Variants in UROS observed in about 807,000 individuals in gnomAD.
UROS encodes the protein uroporphyrinogen III synthase.
In UROS, 18 loss-of-function variants were observed where a neutral mutation model predicts 33.0. The ratio of observed to expected loss-of-function variants is 0.55; its 90% CI spans 0.38 to 0.81. The LOEUF (loss-of-function observed/expected upper bound fraction) is 0.81. Among genes scored for constraint, UROS ranks in the 30% least tolerant of loss-of-function variants. The probability of loss-of-function intolerance (pLI) is 0.00; values close to 1 mark genes in which losing one functional copy is unlikely to be tolerated. For synonymous variants in UROS, 114 were observed against 121.1 expected (o/e 0.94, Z 0.38); for missense variants, 293 against 314.9 (o/e 0.93, Z 0.53).
intron 1 of UROS, among the ~76,000 whole-genome samples, chr10:125,822,504 G>A (rs1483675635): frequency 6.6e-6 from 1 of 152,086 alleles, no homozygotes; most frequent in Non-Finnish European, 1.5e-5. Context: ...TGTATTTTTA[G>A]TAGAGATGGG....
At chr10:125,806,961 C>T (rs1852388712) in intron 6 of UROS, among the ~76,000 whole-genome samples, 1 of 152,190 alleles carries the variant, frequency 6.6e-6, no homozygotes, top group Non-Finnish European at 1.5e-5. Context: ...ACAAGTGCCA[C>T]TTTAAATCCA....
downstream of UROS, among the ~76,000 whole-genome samples, chr10:125,788,210 A>G (rs553120951): frequency 6.6e-6 from 1 of 152,276 alleles, no homozygotes; most frequent in Admixed American, 6.5e-5. Flanking sequence ...AAGTTTGGGA[A>G]CTTTGGGAAT....
chr10:125,808,448 G>A (rs1852523332), intron 5 of UROS, among the ~76,000 whole-genome samples: 3 of 152,188 alleles, frequency 2.0e-5, no homozygotes, highest in African/African-American at 4.8e-5. Flanking sequence ...AGTGGCAACC[G>A]AGGCTGGACC....
At chr10:125,822,938 GC>G (rs1854125958) in intron 1 of UROS, 90 bp downstream of exon 1, 1 of 152,204 alleles carries the variant, frequency 6.6e-6, no homozygotes, top group Non-Finnish European at 1.5e-5. Flanking sequence ...CGGGGCCCTG[GC>G]CCCACTGTGT....
intron 6 of UROS, among the ~76,000 whole-genome samples, chr10:125,800,662 T>A (rs972682938): frequency 2.0e-5 from 3 of 151,786 alleles, no homozygotes; most frequent in Middle Eastern, 6.8e-3. Flanking sequence ...CCTGGGCTCA[T>A]GCAATTCTCC....
At chr10:125,802,218 C>T (rs923280124) in intron 6 of UROS, 1 of 985,420 alleles carries the variant, frequency 1.0e-6, no homozygotes, top group East Asian at 1.1e-4. Context: ...GGAGCGAACC[C>T]TCCACACTGA....
chr10:125,816,535 A>G lies in UROS; in HGVS notation c.-26-10T>C, dbSNP rs1310756480. On this transcript the variant is annotated splice_polypyrimidine_tract_variant and intron_variant, in intron 1 of 9. Coordinates refer to ENST00000368797, the MANE Select transcript of UROS (RefSeq NM_000375.3). ...CAGTCCTTATAGGGCACTGCGACAG[A>G]GCAAGGAAACAGATCTTAATTAGAT... 4 of 1,613,874 alleles carry G rather than the reference A, an allele frequency of 2.5e-6. No individual in the cohort carries two copies. Among genetic ancestry groups the G allele is most frequent in the East Asian group, 2.2e-5 (1 of 44,898 alleles).
At chr10:125,801,491 C>T (rs1224908300) in intron 6 of UROS, among the ~76,000 whole-genome samples, 1 of 152,154 alleles carries the variant, frequency 6.6e-6, no homozygotes, top group Non-Finnish European at 1.5e-5. Flanking sequence ...TATGAATTGG[C>T]CTGTTTACTA....
intron 6 of UROS, chr10:125,802,891 C>A: frequency 3.2e-6 from 5 of 1,585,368 alleles, no homozygotes; most frequent in Middle Eastern, 1.7e-4. Flanking sequence ...CTGGCCTCAC[C>A]CTCAGGGGCT....
chr10:125,787,223 T>C (rs9633753), downstream of UROS, among the ~76,000 whole-genome samples: 66,121 of 152,094 alleles, frequency 0.43, 14,616 homozygotes, highest in Non-Finnish European at 0.47. Flanking sequence ...TTCTGTCCCC[T>C]ACCCCGAGGC....
chr10:125,799,192 G>A (rs750411250), intron 6 of UROS, among the ~76,000 whole-genome samples: 8 of 152,114 alleles, frequency 5.3e-5, no homozygotes, highest in Non-Finnish European at 1.2e-4. Flanking sequence ...GCTACATACT[G>A]GTGAATGTTT....
chr10:125,795,351 C>T (rs1851266966), intron 8 of UROS: 1 of 308,768 alleles, frequency 3.2e-6, no homozygotes, highest in Non-Finnish European at 6.2e-6. Context: ...TCAATGCTCC[C>T]TCCCTCTGGA....
chr10:125,798,745 C>T (rs1194436553), intron 6 of UROS, among the ~76,000 whole-genome samples: 1 of 152,254 alleles, frequency 6.6e-6, no homozygotes, highest in African/African-American at 2.4e-5. Flanking sequence ...TAAGAACGGC[C>T]TGCCTCTCCT....
chr10:125,816,901 T>C (rs1373309744), intron 1 of UROS, among the ~76,000 whole-genome samples: 1 of 152,216 alleles, frequency 6.6e-6, no homozygotes, highest in Non-Finnish European at 1.5e-5. Context: ...CATTTCAAGA[T>C]AAATATGCTA....
intron 1 of UROS, among the ~76,000 whole-genome samples, chr10:125,822,387 ATC>A (rs1309085149): frequency 2.1e-5 from 3 of 145,812 alleles, no homozygotes; most frequent in Non-Finnish European, 4.5e-5. Context: ...CGGTGGCGCG[ATC>A]TCGGCTCACT....
At chr10:125,786,574 C>T (rs1850638906), downstream of UROS, among the ~76,000 whole-genome samples, 1 of 152,146 alleles carries the variant, frequency 6.6e-6, no homozygotes, top group African/African-American at 2.4e-5. Flanking sequence ...ACATGAACCT[C>T]TTCTAAGAAA....
At chr10:125,821,931 T>C (rs1003335736) in intron 1 of UROS, among the ~76,000 whole-genome samples, 6 of 152,128 alleles carry the variant, frequency 3.9e-5, no homozygotes, top group Non-Finnish European at 8.8e-5. Context: ...AAGACCGAAA[T>C]CACAGAACAC....
intron 6 of UROS, chr10:125,802,533 G>C: frequency 1.0e-6 from 1 of 996,982 alleles, no homozygotes; most frequent in Non-Finnish European, 1.2e-6. Flanking sequence ...TCTCCACACT[G>C]GTGCATGGAG....
chr10:125,798,676 A>G (rs1014908502), intron 6 of UROS, among the ~76,000 whole-genome samples: 2 of 152,174 alleles, frequency 1.3e-5, no homozygotes, highest in African/African-American at 2.4e-5. Flanking sequence ...AGCCACACCA[A>G]CAGCCACTAG....
Sources: allele counts gnomAD v4.1 joint callset (sites outside exome capture counted in the v4.1 genomes callset), GRCh38; gene constraint gnomAD v4.1.1; transcripts MANE v1.5; gene names NCBI Gene and HGNC (gene_info 2026-07-23, HGNC 2026-07-21).